ENPP1: variants seen among roughly 807,000 people sequenced by gnomAD.
The protein encoded by ENPP1 is ectonucleotide pyrophosphatase/phosphodiesterase 1.
ENPP1 carries 73 observed loss-of-function variants against 122.8 expected under a neutral mutation model. That is an observed-to-expected ratio of 0.59 (90% CI 0.49 to 0.72). ENPP1 has a LOEUF of 0.72. Ranked by LOEUF, ENPP1 falls within the 30% of genes least tolerant of loss-of-function variation. ENPP1 has a pLI of 0.00. For missense variants in ENPP1, 978 were observed against 1,128.1 expected (o/e 0.87, Z 1.91); for synonymous variants, 367 against 391.6 (o/e 0.94, Z 0.74).
chr6:131,887,394 A>ATTT (rs35908580), intron 24 of ENPP1, among the ~76,000 whole-genome samples: 8 of 139,170 alleles, frequency 5.7e-5, no homozygotes, highest in Admixed American at 2.2e-4. Flanking sequence ...CATTTTAGCA[A>ATTT]TTTTTTTTTT....
chr6:131,868,905 T>C (rs1359643456), intron 12 of ENPP1, among the ~76,000 whole-genome samples: 2 of 152,244 alleles, frequency 1.3e-5, no homozygotes, highest in Admixed American at 6.5e-5. Flanking sequence ...TCTTTTTGTT[T>C]TTGTTCTTGT....
intron 2 of ENPP1, among the ~76,000 whole-genome samples, chr6:131,849,583 T>G (rs1215861802): frequency 6.6e-6 from 1 of 152,216 alleles, no homozygotes; most frequent in Non-Finnish European, 1.5e-5. Context: ...AAAAAAAATT[T>G]TTCCCACATT....
chr6:131,867,302 CA>C (rs1405302100), intron 11 of ENPP1, among the ~76,000 whole-genome samples: 1 of 152,094 alleles, frequency 6.6e-6, no homozygotes, highest in African/African-American at 2.4e-5. Context: ...AGAAAATACA[CA>C]AAACTGCACA....
At chr6:131,857,586 T>G in intron 6 of ENPP1, among the ~76,000 whole-genome samples, 1 of 149,012 alleles carries the variant, frequency 6.7e-6, no homozygotes, top group Non-Finnish European at 1.5e-5. Flanking sequence ...CACTCATAGG[T>G]GGGAATTGAA....
In ENPP1 at chr6:131,831,114, C is replaced by CAAA. The variant is rs3036850; in HGVS notation, c.241-16641_241-16639dup. Among the ~76,000 whole-genome samples the CAAA allele has an allele frequency of 4.6e-3, 273 of 59,906 alleles. 9 individuals carry two copies. The highest frequency in any genetic ancestry group is 0.02 in the Middle Eastern group (2 of 100). The allele number at this position is 59,906 out of a possible 152,430, so 39.3% of individuals were successfully genotyped here. On this transcript the variant is annotated intron_variant, in intron 1 of 24. Coordinates refer to ENST00000647893, the MANE Select transcript of ENPP1 (RefSeq NM_006208.3). ...GGCAACAGTGTGACAGCCCATCTCT[C>CAAA]AAAAAAAAAAAAAAAAAAAAAAAGA...
At chr6:131,862,057 T>C (rs1235257230) in intron 9 of ENPP1, among the ~76,000 whole-genome samples, 2 of 151,978 alleles carry the variant, frequency 1.3e-5, no homozygotes, top group Non-Finnish European at 2.9e-5. Context: ...TAATCCCAGC[T>C]ACTCACAAGG....
intron 13 of ENPP1, among the ~76,000 whole-genome samples, chr6:131,871,834 G>A (rs1016508757): frequency 6.6e-6 from 1 of 152,104 alleles, no homozygotes; most frequent in South Asian, 2.1e-4. Context: ...TAGATGTTCT[G>A]TAACTTGTCT....
At chr6:131,860,851 G>A (rs1302714386) in intron 8 of ENPP1, among the ~76,000 whole-genome samples, 1 of 152,100 alleles carries the variant, frequency 6.6e-6, no homozygotes, top group East Asian at 1.9e-4. Flanking sequence ...ATTTGCCTGT[G>A]CTAATTTAGG....
At position 131,880,026 on chromosome 6, in the gene ENPP1, G is replaced by C; in HGVS notation, c.2092G>C (p.Asp698His). 6.2e-7 allele frequency: 1 copy of C among 1,614,004 alleles called. No homozygotes were observed. The highest frequency in any genetic ancestry group is 8.5e-7 in the Non-Finnish European group (1 of 1,179,956). The change falls in exon 20 of 25, where the codon GAC (aspartate) becomes CAC (histidine). Residue 698 changes from aspartate to histidine, a missense_variant. Physicochemically the swap from Asp to His is moderately conservative, Grantham distance 81. Coordinates refer to ENST00000647893, the MANE Select transcript of ENPP1 (RefSeq NM_006208.3). ...LMPLWTSYTVDRNDSFSTEDF... is the reference protein window; with the variant it reads ...LMPLWTSYTVHRNDSFSTEDF... ...GCCCCTTTGGACATCCTATACCGTG[G>C]ACAGAAATGCAAGTATTTGTCACCT...
intron 1 of ENPP1, chr6:131,827,803 G>T (rs1781563584): frequency 3.0e-6 from 3 of 1,006,676 alleles, no homozygotes; most frequent in Non-Finnish European, 4.7e-6. Context: ...GTGGGGCAAT[G>T]ACTGCTTTCT....
chr6:131,890,500 C>T lies in ENPP1; in HGVS notation c.2767C>T (p.Gln923Ter), dbSNP rs1166699085. Residue 923 changes from glutamine (Q) to a stop codon, truncating the protein, a stop_gained, in exon 25 of 25, where the codon CAA (glutamine) becomes TAA (stop). Transcript: ENST00000647893. LOFTEE classifies it high-confidence loss of function. ...KLKTHLPTFS[Q>*]ED The stretch of plus-strand genomic sequence containing the variant: ...GAAAACACATTTGCCAACCTTTAGC[C>T]AAGAAGACTGATATGTTTTTTATCC... 3.7e-6 allele frequency: 6 copies of T among 1,613,334 alleles called. No homozygotes were observed. The highest frequency in any genetic ancestry group is 5.1e-6 in the Non-Finnish European group (6 of 1,179,370).
intron 1 of ENPP1, among the ~76,000 whole-genome samples, chr6:131,813,997 A>G (rs1781387204): frequency 6.6e-6 from 1 of 152,220 alleles, no homozygotes; most frequent in Non-Finnish European, 1.5e-5. Flanking sequence ...AGCAAATGGA[A>G]GAGCCTTAGG....
At chr6:131,827,591 G>A (rs1562512176) in intron 1 of ENPP1, 1 of 592,340 alleles carries the variant, frequency 1.7e-6, no homozygotes, top group East Asian at 3.1e-5. Flanking sequence ...TAAAAAATAT[G>A]GAACATAAGT....
At chr6:131,828,689 G>A (rs1781575807) in intron 1 of ENPP1, among the ~76,000 whole-genome samples, 1 of 152,194 alleles carries the variant, frequency 6.6e-6, no homozygotes, top group Admixed American at 6.5e-5. Context: ...CAGGTAGAGA[G>A]GTCCAGCAGG....
chr6:131,847,680 T>G lies in ENPP1; in HGVS notation c.241-96T>G, dbSNP rs544355840. The G allele has an allele frequency of 1.1e-4, 98 of 872,888 alleles. 1 individual carries two copies. The highest frequency in any genetic ancestry group is 1.8e-5 in the Non-Finnish European group (10 of 556,798). 54.1% of individuals were successfully genotyped at this position (872,888 alleles called of 1,614,324 possible). A position where few individuals can be genotyped will look rare whatever the true frequency, so the allele number is the denominator to read the frequency against. ...ATGATCATGCCACTGTACCCTAGCC[T>G]GGGTAACAGAGTAAGACACTATCTC... On this transcript the variant is annotated intron_variant, in intron 1 of 24. Transcript: ENST00000647893.
intron 2 of ENPP1, among the ~76,000 whole-genome samples, chr6:131,849,378 C>A (rs1781853128): frequency 6.6e-6 from 1 of 152,062 alleles, no homozygotes; most frequent in African/African-American, 2.4e-5. Context: ...GAAATCAGGC[C>A]TAGCTGGGGA....
Position 131,860,460 on chromosome 6 carries a change from T to TTAAAAG in ENPP1, c.874_879dup (p.Ser292_Lys293dup), listed in dbSNP as rs1305190559. On this transcript the variant is annotated inframe_insertion, in exon 8 of 25. Coordinates refer to ENST00000647893, the MANE Select transcript of ENPP1 (RefSeq NM_006208.3). ...CCCAAAATGAATGCTTCCTTTTCAC[T>TTAAAAG]TAAAAGTAAAGAGAAATTTAATCCT... is the stretch of plus-strand genomic sequence containing the variant. The TTAAAAG allele has an allele frequency of 6.3e-7, 1 of 1,599,746 alleles. No individual in the cohort carries two copies. The highest frequency in any genetic ancestry group is 8.6e-7 in the Non-Finnish European group (1 of 1,167,572).
Position 131,819,826 on chromosome 6 carries a change from T to C in ENPP1, c.240+11551T>C, listed in dbSNP as rs1781461512. On this transcript the variant is annotated intron_variant, in intron 1 of 24. Transcript: ENST00000647893. ...ATTTACCTTCCTCATCCACCAGCCA[T>C]TGGAGGAGGACTGGGGCCACGCAAA... is the stretch of plus-strand genomic sequence containing the variant. 3 of 406,080 alleles carry C rather than the reference T, an allele frequency of 7.4e-6. No individual in the cohort carries two copies. The East Asian group carries it at 1.9e-4, about 25-fold the overall frequency. The allele number at this position is 406,080 out of a possible 1,614,324, so 25.2% of individuals were successfully genotyped here.
chr6:131,840,967 T>G (rs961133251), intron 1 of ENPP1, among the ~76,000 whole-genome samples: 3 of 152,170 alleles, frequency 2.0e-5, no homozygotes, highest in Admixed American at 2.0e-4. Context: ...ATGTCCCTTT[T>G]CCTGATTTTC....
Sources: gnomAD v4.1 joint callset for allele counts (sites outside exome capture counted in the v4.1 genomes callset) on GRCh38, gnomAD v4.1.1 for gene constraint, MANE v1.5 for transcripts, NCBI Gene and HGNC (gene_info 2026-07-23, HGNC 2026-07-21) for gene names.